The following DGKD variants were observed in gnomAD, a reference collection of about 807,000 sequenced individuals.
DGKD encodes DAG kinase delta.
DGKD carries 68 observed loss-of-function variants against 154.4 expected under a neutral mutation model. The observed-to-expected ratio is 0.44, with a 90% CI of 0.36 to 0.54. The LOEUF (loss-of-function observed/expected upper bound fraction) is 0.54, where lower values mean the gene tolerates loss of function less well. DGKD is among the 20% of genes least tolerant of loss of function. The pLI, the probability that DGKD is intolerant of heterozygous loss-of-function variation, is 0.00. For synonymous variants in DGKD, 693 were observed against 638.0 expected (o/e 1.09, Z -1.30); for missense variants, 1,343 against 1,593.6 (o/e 0.84, Z 2.68).
In DGKD at chr2:233,437,473, T is replaced by C. The variant is rs1434263234; in HGVS notation, c.916T>C (p.Ser306Pro). The change falls in exon 8 of 30, where the codon TCC becomes CCC. Residue 306 changes from serine to proline, a missense_variant. Ser to Pro is a moderately conservative substitution (Grantham distance 74). Coordinates refer to ENST00000264057, the MANE Select transcript of DGKD (RefSeq NM_152879.3). Reference sequence around the variant, plus strand: ...ACCCACGGCTCTCAACAGCATCGACTCCGATGGTGGGTACCACACATGCTT... The same window carrying C: ...ACCCACGGCTCTCAACAGCATCGACCCCGATGGTGGGTACCACACATGCTT... ...IPPTALNSID[S>P]DGFWKASCPP... 8.7e-6 allele frequency: 14 copies of C among 1,613,658 alleles called. No individual in the cohort carries two copies. Among genetic ancestry groups the C allele is most frequent in the African/African-American group, 1.3e-5 (1 of 74,928 alleles).
rs903627826 is a variant in DGKD, at chr2:233,470,795, C to T, written c.*1335C>T. The T allele has an allele frequency of 6.6e-6, 1 of 152,392 alleles. No homozygotes were observed. Among genetic ancestry groups the T allele is most frequent in the African/African-American group, 2.4e-5 (1 of 41,386 alleles). 9.4% of individuals were successfully genotyped at this position (152,392 alleles called of 1,614,324 possible). A position where few individuals can be genotyped will look rare whatever the true frequency, so the allele number is the denominator to read the frequency against. On this transcript the variant is annotated 3_prime_UTR_variant, in exon 30 of 30. Coordinates refer to ENST00000264057, the MANE Select transcript of DGKD (RefSeq NM_152879.3). ...AATGGCTCTGGCCTGGCTGCCTGGC[C>T]GTGGCTTCTCTTTGGCTCCCAAAGA... is the stretch of plus-strand genomic sequence containing the variant.
At position 233,451,914 on chromosome 2, in the gene DGKD, A is replaced by G. The variant is rs142679044; in HGVS notation, c.2168-50A>G. ...GCTTCAGAGACACGAGCTTCTCCTA[A>G]GGCTGTAGCTCCTGACCAGCACCAC... On this transcript the variant is annotated intron_variant, in intron 17 of 29. Coordinates refer to ENST00000264057, the MANE Select transcript of DGKD (RefSeq NM_152879.3). 3.3e-6 allele frequency: 5 copies of G among 1,495,456 alleles called. No individual in the cohort carries two copies. In the African/African-American group the frequency reaches 5.5e-5, roughly 16 times the overall value. The allele number at this position is 1,495,456 out of a possible 1,614,324, so 92.6% of individuals were successfully genotyped here.
intron 3 of DGKD, among the ~76,000 whole-genome samples, chr2:233,397,573 C>T (rs1018144745): frequency 6.1e-5 from 9 of 146,922 alleles, no homozygotes; most frequent in Non-Finnish European, 1.2e-4. Context: ...CCAGAGGGGA[C>T]CAGAGTGGCT....
intron 3 of DGKD, among the ~76,000 whole-genome samples, chr2:233,407,260 G>A (rs1365752876): frequency 3.9e-5 from 6 of 152,214 alleles, no homozygotes; most frequent in Non-Finnish European, 7.3e-5. Context: ...GATTTCAAAC[G>A]AGGCCAACTT....
At chr2:233,382,993 G>A (rs976987021) in intron 1 of DGKD, among the ~76,000 whole-genome samples, 1 of 150,862 alleles carries the variant, frequency 6.6e-6, no homozygotes, top group African/African-American at 2.4e-5. Flanking sequence ...CTCTTTGGTG[G>A]TTTTTCTTTT....
In DGKD at chr2:233,440,723, G is replaced by A. The variant is rs955130760; in HGVS notation, c.1086-1164G>A. The stretch of plus-strand genomic sequence containing the variant: ...GCTGCGGGTGCTGGCCAAGAGGTTC[G>A]ACTCCTTCCTGCAAATGAGGGGCAG... On this transcript the variant is annotated intron_variant, in intron 9 of 29. Coordinates refer to ENST00000264057, the MANE Select transcript of DGKD (RefSeq NM_152879.3). The surrounding 1 kb of genome is among the most constrained non-coding windows in gnomAD (Gnocchi z 4.9). Among the ~76,000 whole-genome samples, 2 of 152,198 alleles carry A rather than the reference G, an allele frequency of 1.3e-5. No homozygotes were observed. The highest frequency in any genetic ancestry group is 6.5e-5 in the Admixed American group (1 of 15,280).
chr2:233,459,984 T>C lies in DGKD; in HGVS notation c.2829+93T>C. On this transcript the variant is annotated intron_variant, in intron 23 of 29. Transcript: ENST00000264057. The surrounding 1 kb of genome is among the most constrained non-coding windows in gnomAD (Gnocchi z 5.7). ...TTAAGAGCTGGAGCTTTTTGTGTTT[T>C]GTTCTAGGATTTTTTTTTTTTTTAA... The C allele has an allele frequency of 2.0e-6, 3 of 1,478,516 alleles. No individual in the cohort carries two copies. Among genetic ancestry groups the C allele is most frequent in the African/African-American group, 1.4e-5 (1 of 69,344 alleles). The allele number at this position is 1,478,516 out of a possible 1,614,324, so 91.6% of individuals were successfully genotyped here. A position where few individuals can be genotyped will look rare whatever the true frequency, so the allele number is the denominator to read the frequency against.
intron 3 of DGKD, among the ~76,000 whole-genome samples, chr2:233,395,543 A>G (rs1703952562): frequency 6.6e-6 from 1 of 151,456 alleles, no homozygotes; most frequent in Non-Finnish European, 1.5e-5. Flanking sequence ...AAACATTTAT[A>G]GTTCACAGAT....
intron 1 of DGKD, among the ~76,000 whole-genome samples, chr2:233,377,199 C>T (rs766057604): frequency 6.7e-6 from 1 of 149,998 alleles, no homozygotes; most frequent in Non-Finnish European, 1.5e-5. Flanking sequence ...TCTCTTGCTT[C>T]AGCCTCCCGA....
chr2:233,388,123 T>G (rs1703309569), intron 1 of DGKD, 134 bp from the exon 2 acceptor site: 1 of 1,526,600 alleles, frequency 6.6e-7, no homozygotes, highest in African/African-American at 1.4e-5. Flanking sequence ...TAGGTCAAGG[T>G]CTGTTGAGAG....
intron 8 of DGKD, 138 bp downstream of exon 8, chr2:233,437,617 G>A: frequency 2.3e-6 from 2 of 858,954 alleles, no homozygotes; most frequent in Non-Finnish European, 3.7e-6. Flanking sequence ...TGGGGGTGCT[G>A]GAGGAGTTGC....
intron 2 of DGKD, chr2:233,388,955 C>G (rs1181750523): frequency 6.6e-6 from 1 of 152,138 alleles, no homozygotes; most frequent in Non-Finnish European, 1.5e-5. Context: ...CTATGTAGGT[C>G]AAGCTGGTCT....
Position 233,466,291 on chromosome 2 carries a change from A to T in DGKD, c.3307-795A>T, listed in dbSNP as rs189114336. ...TAGATCAGTTAACTCTAATACCATAATTGTAGATGTCTCAGTTTATCTTTG... is the reference window on the plus strand; with the variant it reads ...TAGATCAGTTAACTCTAATACCATATTTGTAGATGTCTCAGTTTATCTTTG... On this transcript the variant is annotated intron_variant, in intron 27 of 29. Coordinates refer to ENST00000264057, the MANE Select transcript of DGKD (RefSeq NM_152879.3). Among the ~76,000 whole-genome samples the T allele has an allele frequency of 3.3e-5, 5 of 151,386 alleles. No homozygotes were observed. In the East Asian group the frequency reaches 9.7e-4, roughly 29 times the overall value.
chr2:233,414,778 G>T (rs2061918584), intron 3 of DGKD, among the ~76,000 whole-genome samples: 2 of 152,278 alleles, frequency 1.3e-5, no homozygotes, highest in East Asian at 1.9e-4. Flanking sequence ...AGTTAGTTTT[G>T]GGGGAGAGAA....
intron 1 of DGKD, among the ~76,000 whole-genome samples, chr2:233,378,831 C>T (rs901082578): frequency 6.6e-6 from 1 of 152,148 alleles, no homozygotes; most frequent in Admixed American, 6.5e-5. Flanking sequence ...GAGGCCAAGG[C>T]CTGAGGATTG....
At chr2:233,447,653 C>T (rs1266178020) in intron 12 of DGKD, 1 of 1,009,542 alleles carries the variant, frequency 9.9e-7, no homozygotes, top group Non-Finnish European at 1.2e-6. Flanking sequence ...TAGGGCTGCC[C>T]TTCTGACAGC....
intron 3 of DGKD, among the ~76,000 whole-genome samples, chr2:233,404,810 G>A (rs561326703): frequency 7.9e-5 from 12 of 152,208 alleles, no homozygotes; most frequent in Non-Finnish European, 1.6e-4. Flanking sequence ...GTGAACGTCT[G>A]CTGTTCCAGT....
At chr2:233,372,403 A>G (rs1211153138) in intron 1 of DGKD, among the ~76,000 whole-genome samples, 1 of 152,144 alleles carries the variant, frequency 6.6e-6, no homozygotes, top group Non-Finnish European at 1.5e-5. Flanking sequence ...CACTCATCTC[A>G]TTAAATCCAG....
chr2:233,397,541 G>T (rs889497013), intron 3 of DGKD, among the ~76,000 whole-genome samples: 2 of 130,676 alleles, frequency 1.5e-5, no homozygotes, highest in Admixed American at 7.6e-5. Flanking sequence ...TGGCTGGGGG[G>T]GGGGGGCAGA....
Sources: allele counts gnomAD v4.1 joint callset (sites outside exome capture counted in the v4.1 genomes callset), GRCh38; gene constraint gnomAD v4.1.1; non-coding constraint Gnocchi (gnomAD v3.1); transcripts MANE v1.5; gene names NCBI Gene and HGNC (gene_info 2026-07-23, HGNC 2026-07-21).